The following SRGAP3 variants were observed in gnomAD, a reference collection of about 807,000 sequenced individuals.
The protein encoded by SRGAP3 is SLIT-ROBO Rho GTPase activating protein 3.
In SRGAP3, 39 loss-of-function variants were observed where a neutral mutation model predicts 121.1. The observed-to-expected ratio is 0.32, with a 90% CI of 0.25 to 0.42. SRGAP3 has a LOEUF of 0.42. SRGAP3 is among the 10% of genes least tolerant of loss of function. The pLI, the probability that SRGAP3 is intolerant of heterozygous loss-of-function variation, is 1.00. For synonymous variants in SRGAP3, 601 were observed against 570.0 expected, an observed-to-expected ratio of 1.05 and a Z score of -0.77; for missense variants, 1,213 against 1,470.6, an observed-to-expected ratio of 0.82 and a Z score of 2.86.
At chr3:9,077,280 A>G (rs1317896335) in intron 4 of SRGAP3, among the ~76,000 whole-genome samples, 1 of 152,022 alleles carries the variant, frequency 6.6e-6, no homozygotes, top group African/African-American at 2.4e-5. Context: ...CCAAGGATGT[A>G]CAAGACTCTG....
At chr3:9,059,919 C>G in intron 6 of SRGAP3, 1 of 400,948 alleles carries the variant, frequency 2.5e-6, no homozygotes, top group Non-Finnish European at 4.8e-6. Context: ...CCCCCCTGAA[C>G]CCCTCAAACC....
chr3:9,052,915 A>T, intron 9 of SRGAP3, 112 bp downstream of exon 9: 1 of 1,285,736 alleles, frequency 7.8e-7, no homozygotes, highest in South Asian at 1.2e-5. Flanking sequence ...GGAGTCTTAG[A>T]TCCAATTGAC....
At chr3:9,043,901 G>A (rs983571046) in intron 10 of SRGAP3, among the ~76,000 whole-genome samples, 1 of 152,032 alleles carries the variant, frequency 6.6e-6, no homozygotes, top group South Asian at 2.1e-4. Flanking sequence ...TGTAAACCCT[G>A]GAGCTTACAG....
rs1197828801 is a variant in SRGAP3 at position 9,000,185 on chromosome 3, G to A, written c.2228-5662C>T. Among the ~76,000 whole-genome samples the A allele has an allele frequency of 2.0e-5, 3 of 152,230 alleles. No homozygotes were observed. In the East Asian group the frequency reaches 5.8e-4, roughly 29 times the overall value. Reference sequence around the variant, plus strand: ...TCTCATCCTGCTCCCACTACCTGTTGCTGAGGCTAAGTCCCAGGTGAGTGG... The same window carrying A: ...TCTCATCCTGCTCCCACTACCTGTTACTGAGGCTAAGTCCCAGGTGAGTGG... On this transcript the variant is annotated intron_variant, in intron 18 of 21. Transcript: ENST00000383836.
chr3:9,343,933 A>T (rs1955836607), intron 1 of SRGAP3, among the ~76,000 whole-genome samples: 1 of 152,224 alleles, frequency 6.6e-6, no homozygotes, highest in Non-Finnish European at 1.5e-5. Flanking sequence ...GGCATGAGCC[A>T]CCACACACAG....
chr3:9,204,428 C>T (rs1329537467), intron 1 of SRGAP3, among the ~76,000 whole-genome samples: 1 of 152,208 alleles, frequency 6.6e-6, no homozygotes, highest in African/African-American at 2.4e-5. Flanking sequence ...GCTAGACATG[C>T]CTTTGCCCCC....
chr3:9,361,429 C>G (rs963819329), intron 1 of SRGAP3, among the ~76,000 whole-genome samples: 1 of 152,070 alleles, frequency 6.6e-6, no homozygotes, highest in Non-Finnish European at 1.5e-5. Context: ...AAATTGTGTT[C>G]TTTTTGGTTT....
intron 1 of SRGAP3, among the ~76,000 whole-genome samples, chr3:9,243,879 C>G (rs1953735521): frequency 1.3e-5 from 2 of 152,166 alleles, no homozygotes; most frequent in Admixed American, 1.3e-4. Flanking sequence ...AATTTTTAAG[C>G]CACCATTTAA....
At chr3:9,276,928 A>T (rs1407403271) in intron 3 of SRGAP3, among the ~76,000 whole-genome samples, 2 of 152,244 alleles carry the variant, frequency 1.3e-5, no homozygotes, top group Non-Finnish European at 2.9e-5. Context: ...GCACTGAGCT[A>T]GGTGCGTCAC....
intron 3 of SRGAP3, among the ~76,000 whole-genome samples, chr3:9,269,197 A>G (rs1954427699): frequency 6.6e-6 from 1 of 152,210 alleles, no homozygotes; most frequent in Admixed American, 6.5e-5. Context: ...TTGTGGATAA[A>G]GTCCCTTCTC....
chr3:9,299,144 C>T (rs1443601698), intron 3 of SRGAP3, among the ~76,000 whole-genome samples: 13 of 150,536 alleles, frequency 8.6e-5, no homozygotes, highest in South Asian at 8.4e-4. Context: ...GGATGGATCA[C>T]GAGGTCAGGA....
intron 4 of SRGAP3, among the ~76,000 whole-genome samples, chr3:9,065,857 G>A (rs1946405302): frequency 1.3e-5 from 2 of 152,230 alleles, no homozygotes; most frequent in Middle Eastern, 3.4e-3. Context: ...AAATACCCAG[G>A]CGTGGGATGG....
chr3:9,278,457 A>G (rs1347895995), intron 3 of SRGAP3, among the ~76,000 whole-genome samples: 1 of 152,248 alleles, frequency 6.6e-6, no homozygotes, highest in African/African-American at 2.4e-5. Flanking sequence ...CCAACTCTCA[A>G]TGCCCTCATC....
At chr3:9,143,916 C>A (rs1191021595) in intron 1 of SRGAP3, among the ~76,000 whole-genome samples, 1 of 152,134 alleles carries the variant, frequency 6.6e-6, no homozygotes, top group Admixed American at 6.5e-5. Flanking sequence ...ATCCGTTCTA[C>A]CAGCCCAACA....
chr3:9,184,081 C>A (rs572119378), intron 1 of SRGAP3, among the ~76,000 whole-genome samples: 1 of 152,306 alleles, frequency 6.6e-6, no homozygotes, highest in Non-Finnish European at 1.5e-5. Context: ...CATCTGCTCT[C>A]AGGAGTCCCC....
At chr3:9,059,265 GCTC>G (rs1000081461) in intron 6 of SRGAP3, 1 of 152,242 alleles carries the variant, frequency 6.6e-6, no homozygotes, top group Non-Finnish European at 1.5e-5. Context: ...CACTGCTCCT[GCTC>G]CTCAAGTTCC....
rs201952340 is a variant in SRGAP3 at position 9,064,631 on chromosome 3, G to A, written c.487-50C>T. On this transcript the variant is annotated intron_variant, in intron 4 of 21. Coordinates refer to ENST00000383836, the MANE Select transcript of SRGAP3 (RefSeq NM_014850.4). ...TCAGCAGCCAGCTATGGCCCAGCAC[G>A]GCCCTCCCTGTTACTCCTGGCTCCA... The A allele has an allele frequency of 4.1e-5, 66 of 1,607,938 alleles. No individual in the cohort carries two copies. The East Asian group carries it at 8.0e-4, about 20-fold the overall frequency.
At chr3:9,038,938 T>C (rs1033792956) in intron 10 of SRGAP3, among the ~76,000 whole-genome samples, 1 of 152,110 alleles carries the variant, frequency 6.6e-6, no homozygotes, top group Non-Finnish European at 1.5e-5. Context: ...TCCAGCTACA[T>C]CCTCATTTCT....
intron 2 of SRGAP3, among the ~76,000 whole-genome samples, chr3:9,328,895 C>T (rs1029503522): frequency 6.6e-6 from 1 of 152,176 alleles, no homozygotes; most frequent in African/African-American, 2.4e-5. Context: ...ATGACATAAA[C>T]CCTAAAATTC....
Sources: gnomAD v4.1 joint callset for allele counts (sites outside exome capture counted in the v4.1 genomes callset) on GRCh38, gnomAD v4.1.1 for gene constraint, MANE v1.5 for transcripts, NCBI Gene and HGNC (gene_info 2026-07-23, HGNC 2026-07-21) for gene names.